COMMD9: variants seen among roughly 807,000 people sequenced by gnomAD.
The protein encoded by COMMD9 is COMM domain-containing protein 9.
Under a neutral mutation model 23.4 loss-of-function variants are expected in COMMD9, and 22 were observed. The ratio of observed to expected loss-of-function variants is 0.94; its 90% CI spans 0.67 to 1.34. The LOEUF (loss-of-function observed/expected upper bound fraction) is 1.34. COMMD9 is among the 40% of genes most tolerant of loss of function. The pLI is 0.00. For missense variants in COMMD9, 231 were observed against 240.2 expected, an observed-to-expected ratio of 0.96 and a Z score of 0.25; for synonymous variants, 99 against 97.4, an observed-to-expected ratio of 1.02 and a Z score of -0.10.
rs1313934810 is a variant in COMMD9, at chr11:36,273,086, GTAC to G, written c.*1543_*1545del. 6.6e-6 allele frequency: 1 copy of G among 152,092 alleles called. No individual in the cohort carries two copies. The highest frequency in any genetic ancestry group is 1.5e-5 in the Non-Finnish European group (1 of 68,024). The allele number at this position is 152,092 out of a possible 1,614,324, so 9.4% of individuals were successfully genotyped here. A position where few individuals can be genotyped will look rare whatever the true frequency, so the allele number is the denominator to read the frequency against. On this transcript the variant is annotated 3_prime_UTR_variant, in exon 6 of 6. Transcript: ENST00000263401. ...TTTTCACAAAAGTCCTATCAAGTAG[GTAC>G]TACTATTATACTCATTTAATTTAGG...
At chr11:36,286,853 T>C (rs1160541178) in intron 1 of COMMD9, among the ~76,000 whole-genome samples, 4 of 152,142 alleles carry the variant, frequency 2.6e-5, no homozygotes, top group African/African-American at 9.7e-5. Flanking sequence ...ATTCTTGAAA[T>C]GACAAAATTA....
chr11:36,276,870 G>T (rs1018803609), intron 4 of COMMD9: 11 of 385,412 alleles, frequency 2.9e-5, no homozygotes, highest in African/African-American at 1.9e-4. Flanking sequence ...TTCTGCTTTG[G>T]ATATTTCTGT....
At chr11:36,282,774 G>T (rs1198753999) in intron 1 of COMMD9, among the ~76,000 whole-genome samples, 1 of 152,202 alleles carries the variant, frequency 6.6e-6, no homozygotes, top group Non-Finnish European at 1.5e-5. Flanking sequence ...AGGGGGAAAT[G>T]GGTCACATGA....
At chr11:36,285,983 A>C (rs1856145390) in intron 1 of COMMD9, among the ~76,000 whole-genome samples, 1 of 152,240 alleles carries the variant, frequency 6.6e-6, no homozygotes, top group Non-Finnish European at 1.5e-5. Context: ...GAACAAGGCA[A>C]GATATCTGCT....
intron 1 of COMMD9, among the ~76,000 whole-genome samples, chr11:36,285,650 T>C (rs546314672): frequency 6.6e-6 from 1 of 152,118 alleles, no homozygotes; most frequent in African/African-American, 2.4e-5. Flanking sequence ...GTTATATATA[T>C]GTATAATATT....
In COMMD9 at chr11:36,274,207, C is replaced by T. The variant is rs879704934; in HGVS notation, c.*425G>A. The stretch of plus-strand genomic sequence containing the variant: ...GCAGGAACTGCTGGCATCACCTGTC[C>T]GATTCCCTCCATGTGTTCTGGGATT... On this transcript the variant is annotated 3_prime_UTR_variant, in exon 6 of 6. Coordinates refer to ENST00000263401, the MANE Select transcript of COMMD9 (RefSeq NM_014186.4). 8.8e-6 allele frequency: 4 copies of T among 454,694 alleles called. No homozygotes were observed. Among genetic ancestry groups the T allele is most frequent in the African/African-American group, 2.0e-5 (1 of 50,096 alleles). 28.2% of individuals were successfully genotyped at this position (454,694 alleles called of 1,614,324 possible). A position where few individuals can be genotyped will look rare whatever the true frequency, so the allele number is the denominator to read the frequency against.
Position 36,289,400 on chromosome 11 carries a change from T to TCAGGG in COMMD9, c.8_12dup (p.Thr5ProfsTer2). The TCAGGG allele has an allele frequency of 6.4e-7, 1 of 1,552,042 alleles. No individual in the cohort carries two copies. The highest frequency in any genetic ancestry group is 8.7e-7 in the Non-Finnish European group (1 of 1,147,194). On this transcript the variant is annotated frameshift_variant, in exon 1 of 6. Transcript: ENST00000263401. LOFTEE classifies it high-confidence loss of function. ...TGGAGTGCTGCAAAATGCTCCGCTG[T>TCAGGG]CAGGGCAGCCATCTTGCCGAAGTCA...
chr11:36,287,157 A>G (rs12420043), intron 1 of COMMD9, among the ~76,000 whole-genome samples: 2,869 of 10,146 alleles, frequency 0.28, 288 homozygotes, highest in East Asian at 0.43. Context: ...TATACTACAT[A>G]CTATGTATAT....
chr11:36,278,165 C>G (rs1323262825), intron 3 of COMMD9: 6 of 238,206 alleles, frequency 2.5e-5, no homozygotes, highest in Non-Finnish European at 4.8e-5. Flanking sequence ...TGAAATTTCA[C>G]TATCGTTAAT....
intron 2 of COMMD9, among the ~76,000 whole-genome samples, chr11:36,279,055 G>A (rs772783286): frequency 2.6e-5 from 4 of 152,092 alleles, no homozygotes; most frequent in African/African-American, 4.8e-5. Flanking sequence ...CTGGGGTGCC[G>A]GTAGCTCTGG....
At chr11:36,279,019 C>G (rs1302781530) in intron 2 of COMMD9, among the ~76,000 whole-genome samples, 1 of 152,142 alleles carries the variant, frequency 6.6e-6, no homozygotes, top group African/African-American at 2.4e-5. Context: ...GTCCAAGGCT[C>G]TGGACTGAGA....
Position 36,287,088 on chromosome 11 carries a change from T to C in COMMD9, c.51+2274A>G, listed in dbSNP as rs200652849. On this transcript the variant is annotated intron_variant, in intron 1 of 5. Coordinates refer to ENST00000263401, the MANE Select transcript of COMMD9 (RefSeq NM_014186.4). ...TATGTATATCGCGTAGTATGTATAC[T>C]ACATACTATGTATATCGCGTAGTAT... Among the ~76,000 whole-genome samples, 521 of 140,880 alleles carry C rather than the reference T, an allele frequency of 3.7e-3. 64 individuals are homozygous for C. The highest frequency in any genetic ancestry group is 0.013 in the African/African-American group (493 of 37,414). The allele number at this position is 140,880 out of a possible 152,430, so 92.4% of individuals were successfully genotyped here. A position where few individuals can be genotyped will look rare whatever the true frequency, so the allele number is the denominator to read the frequency against.
chr11:36,283,241 A>G (rs552716425), intron 1 of COMMD9, among the ~76,000 whole-genome samples: 41 of 152,350 alleles, frequency 2.7e-4, no homozygotes, highest in African/African-American at 9.9e-4. Flanking sequence ...AATCAAGTCA[A>G]CACCTAAAAT....
Position 36,273,009 on chromosome 11 carries a change from C to A in COMMD9, c.*1623G>T, listed in dbSNP as rs1004897069. On this transcript the variant is annotated 3_prime_UTR_variant, in exon 6 of 6. Coordinates refer to ENST00000263401, the MANE Select transcript of COMMD9 (RefSeq NM_014186.4). ...TACTCTCATCCATTAATAATCAAAG[C>A]CTTTCCTATTAGTTGTAACAGTACT... is the stretch of plus-strand genomic sequence containing the variant. 6.6e-6 allele frequency: 1 copy of A among 152,138 alleles called. No homozygotes were observed. The highest frequency in any genetic ancestry group is 2.4e-5 in the African/African-American group (1 of 41,410). The allele number at this position is 152,138 out of a possible 1,614,324, so 9.4% of individuals were successfully genotyped here. A position where few individuals can be genotyped will look rare whatever the true frequency, so the allele number is the denominator to read the frequency against.
intron 2 of COMMD9, 32 bp downstream of exon 2, chr11:36,280,680 A>T: frequency 1.3e-6 from 2 of 1,538,744 alleles, no homozygotes; most frequent in Non-Finnish European, 1.8e-6. Flanking sequence ...TAAGAGGGCC[A>T]GTGGCCAAAG....
intron 1 of COMMD9, among the ~76,000 whole-genome samples, chr11:36,286,395 CAAAAAAAAAA>C (rs138463305): frequency 1.3e-5 from 1 of 76,948 alleles, no homozygotes; most frequent in African/African-American, 5.2e-5. Flanking sequence ...ACTAAAAATA[CAAAAAAAAAA>C]AAAAAAAAGA....
Position 36,277,081 on chromosome 11 carries a change from G to C in COMMD9, c.352+8C>G, listed in dbSNP as rs376630852. The C allele has an allele frequency of 3.1e-6, 5 of 1,603,224 alleles. No individual in the cohort carries two copies. Among genetic ancestry groups the C allele is most frequent in the Non-Finnish European group, 4.3e-6 (5 of 1,174,764 alleles). Reference sequence around the variant, plus strand: ...TAAGAAGGGAGGGGCAGATTTATTGGTACTCACTCTGATTTGCCTGGGCTT... The same window carrying C: ...TAAGAAGGGAGGGGCAGATTTATTGCTACTCACTCTGATTTGCCTGGGCTT... On this transcript the variant is annotated splice_region_variant and intron_variant, in intron 4 of 5. Coordinates refer to ENST00000263401, the MANE Select transcript of COMMD9 (RefSeq NM_014186.4).
rs772340723 is a variant in COMMD9 at position 36,280,853 on chromosome 11, CAGAT to C, written c.52-20_52-17del. ...TCGAGGAGGCCTATGAATTAAATCA[CAGAT>C]AGGAAAAAAAAAAACTCAGACTCTG... On this transcript the variant is annotated splice_polypyrimidine_tract_variant and intron_variant, in intron 1 of 5. Coordinates refer to ENST00000263401, the MANE Select transcript of COMMD9 (RefSeq NM_014186.4). 2.6e-6 allele frequency: 4 copies of C among 1,526,002 alleles called. No individual in the cohort carries two copies. Among genetic ancestry groups the C allele is most frequent in the Non-Finnish European group, 3.5e-6 (4 of 1,134,498 alleles). The allele number at this position is 1,526,002 out of a possible 1,614,324, so 94.5% of individuals were successfully genotyped here.
rs1334857371 is a variant in COMMD9, at chr11:36,272,408, G to T, written c.*2224C>A. 1 of 152,636 alleles carries T rather than the reference G, an allele frequency of 6.6e-6. No homozygotes were observed. The highest frequency in any genetic ancestry group is 1.9e-4 in the East Asian group (1 of 5,198). The allele number at this position is 152,636 out of a possible 1,614,324, so 9.5% of individuals were successfully genotyped here. ...GCTAGAGGAAATGTCCAACTGCCCA[G>T]ACACCTATACTGGGCTTCTTGCTTC... On this transcript the variant is annotated 3_prime_UTR_variant, in exon 6 of 6. Transcript: ENST00000263401.
Sources: allele counts gnomAD v4.1 joint callset (sites outside exome capture counted in the v4.1 genomes callset), GRCh38; gene constraint gnomAD v4.1.1; transcripts MANE v1.5; gene names NCBI Gene and HGNC (gene_info 2026-07-23, HGNC 2026-07-21).